Variants in MPDZ observed in about 807,000 individuals in gnomAD.
MPDZ encodes the protein multiple PDZ domain crumbs cell polarity complex component, also known as multiple PDZ domain protein.
MPDZ carries 234 observed loss-of-function variants against 239.1 expected under a neutral mutation model. The observed-to-expected ratio is 0.98, with a 90% CI of 0.88 to 1.09. The LOEUF (loss-of-function observed/expected upper bound fraction) is 1.09, where lower values mean the gene tolerates loss of function less well. Ranked by LOEUF, MPDZ falls within the 50% of genes least tolerant of loss-of-function variation. The probability of loss-of-function intolerance (pLI) is 0.00; values close to 1 mark genes in which losing one functional copy is unlikely to be tolerated. For missense variants in MPDZ, 3,175 were observed against 2,510.0 expected, an observed-to-expected ratio of 1.26 and a Z score of -5.66; for synonymous variants, 1,048 against 881.3, an observed-to-expected ratio of 1.19 and a Z score of -3.35.
At chr9:13,191,865 G>C (rs73406294) in intron 15 of MPDZ, among the ~76,000 whole-genome samples, 2,676 of 152,080 alleles carry the variant, frequency 0.018, 54 homozygotes, top group South Asian at 0.082. Flanking sequence ...TTAACCTTCA[G>C]GGCAACTTTT....
At chr9:13,138,455 T>C (rs1947170032) in intron 28 of MPDZ, among the ~76,000 whole-genome samples, 1 of 152,148 alleles carries the variant, frequency 6.6e-6, no homozygotes, top group Non-Finnish European at 1.5e-5. Flanking sequence ...CAAAAGACTA[T>C]GATTAAACCA....
At chr9:13,148,788 C>T (rs1217762648) in intron 25 of MPDZ, among the ~76,000 whole-genome samples, 1 of 151,912 alleles carries the variant, frequency 6.6e-6, no homozygotes, top group Non-Finnish European at 1.5e-5. Flanking sequence ...GCTTTAGAAT[C>T]CTCAGGATTA....
At position 13,110,702 on chromosome 9, in the gene MPDZ, A is replaced by G. The variant is rs922943088; in HGVS notation, c.5763T>C (p.Thr1921=). The change falls in exon 44 of 47, where the codon ACT becomes ACC. Residue 1921 remains threonine (T), a synonymous_variant. Coordinates refer to ENST00000319217, the MANE Select transcript of MPDZ (RefSeq NM_001378778.1). ...DRIVTICGTS[T]EGMTHTQAVN... is the part of the protein sequence containing the mutation. ...CTGCTTGGGTGTGAGTCATGCCCTC[A>G]GTGGATGTGCCACAGATGGTGACAA... 3.1e-6 allele frequency: 5 copies of G among 1,613,570 alleles called. No individual in the cohort carries two copies. The highest frequency in any genetic ancestry group is 3.4e-6 in the Non-Finnish European group (4 of 1,179,764).
chr9:13,278,972 G>GC (rs937526609), intron 1 of MPDZ: 3 of 150,628 alleles, frequency 2.0e-5, no homozygotes, highest in Admixed American at 2.0e-4. Flanking sequence ...CCCACCCCCA[G>GC]CCCCCCGACA....
intron 10 of MPDZ, among the ~76,000 whole-genome samples, chr9:13,207,388 T>A (rs1028969316): frequency 6.6e-6 from 1 of 152,090 alleles, no homozygotes; most frequent in African/African-American, 2.4e-5. Flanking sequence ...ACCTCATCTC[T>A]CATGATGCTG....
intron 1 of MPDZ, among the ~76,000 whole-genome samples, chr9:13,259,477 T>C (rs777488230): frequency 2.0e-5 from 3 of 151,946 alleles, no homozygotes; most frequent in Non-Finnish European, 2.9e-5. Context: ...ATTGGAGAAA[T>C]GATGATACAA....
intron 3 of MPDZ, among the ~76,000 whole-genome samples, chr9:13,234,644 T>C (rs1963459386): frequency 6.6e-6 from 1 of 152,122 alleles, no homozygotes; most frequent in Non-Finnish European, 1.5e-5. Flanking sequence ...TAAGAAAAAA[T>C]GACTACTGCT....
intron 19 of MPDZ, among the ~76,000 whole-genome samples, chr9:13,178,567 A>G (rs1952828683): frequency 6.6e-6 from 1 of 152,190 alleles, no homozygotes. Flanking sequence ...TTCAGTTCTA[A>G]TCACTTTAAA....
At chr9:13,113,140 T>C (rs552151635) in intron 41 of MPDZ, 86 bp from the exon 42 acceptor site, 2 of 1,233,120 alleles carry the variant, frequency 1.6e-6, no homozygotes, top group Non-Finnish European at 2.3e-6. Context: ...TGGATGGGAC[T>C]AAATGATAAC....
chr9:13,115,516 T>C (rs1277032423), intron 39 of MPDZ, among the ~76,000 whole-genome samples, 182 bp from the exon 40 acceptor site: 1 of 152,094 alleles, frequency 6.6e-6, no homozygotes, highest in Non-Finnish European at 1.5e-5. Context: ...TTCAAACTAA[T>C]AAAAATAATC....
chr9:13,215,945 GTTTTTT>G (rs71331531), intron 10 of MPDZ, among the ~76,000 whole-genome samples: 1 of 82,622 alleles, frequency 1.2e-5, no homozygotes, highest in Non-Finnish European at 2.5e-5. Flanking sequence ...TCAGCAATTT[GTTTTTT>G]TTTTTTTTTT....
intron 3 of MPDZ, among the ~76,000 whole-genome samples, chr9:13,235,971 T>C (rs1158651857): frequency 2.0e-5 from 3 of 151,934 alleles, no homozygotes; most frequent in Non-Finnish European, 4.4e-5. Context: ...ACCTGTTAAA[T>C]GACAAAATCA....
In MPDZ at chr9:13,145,399, T is replaced by C. The variant is rs796722517; in HGVS notation, c.3742-1835A>G. 5.3e-5 allele frequency among the ~76,000 whole-genome samples: 8 copies of C among 152,090 alleles called. 1 individual carries two copies. The highest frequency in any genetic ancestry group is 1.9e-4 in the African/African-American group (8 of 41,516). ...ATACTGGTGAAATTACCAGGGCTAG[T>C]TCTGGAAATTTCTGATTCTTGAAGA... On this transcript the variant is annotated intron_variant, in intron 26 of 46. Coordinates refer to ENST00000319217, the MANE Select transcript of MPDZ (RefSeq NM_001378778.1).
chr9:13,165,556 C>T, intron 22 of MPDZ: 1 of 740,222 alleles, frequency 1.4e-6, no homozygotes, highest in Non-Finnish European at 2.2e-6. Flanking sequence ...TCCCTCCCAT[C>T]TACACCTCCC....
In MPDZ at chr9:13,185,306, C is replaced by T. The variant is rs139126526; in HGVS notation, c.2481+964G>A. ...TATTAGCAAAAGGAATTGTCTCCCC[C>T]GAAATTACAATCAGCAAAATGTATA... On this transcript the variant is annotated intron_variant, in intron 18 of 46. Coordinates refer to ENST00000319217, the MANE Select transcript of MPDZ (RefSeq NM_001378778.1). Among the ~76,000 whole-genome samples, 24 of 151,976 alleles carry T rather than the reference C, an allele frequency of 1.6e-4. No individual in the cohort carries two copies. In the East Asian group the frequency reaches 3.1e-3, roughly 20 times the overall value.
At chr9:13,251,908 G>A (rs1450136030) in intron 1 of MPDZ, among the ~76,000 whole-genome samples, 1 of 152,190 alleles carries the variant, frequency 6.6e-6, no homozygotes, top group Non-Finnish European at 1.5e-5. Context: ...ACCTGGAATT[G>A]AAACTTAAAC....
chr9:13,112,834 G>C (rs1443290322), intron 42 of MPDZ, among the ~76,000 whole-genome samples, 177 bp downstream of exon 42: 1 of 152,152 alleles, frequency 6.6e-6, no homozygotes, highest in Non-Finnish European at 1.5e-5. Context: ...TTTCAAATGA[G>C]GTGCTGTGAT....
intron 23 of MPDZ, among the ~76,000 whole-genome samples, chr9:13,158,442 C>T (rs1042551190): frequency 7.9e-5 from 12 of 152,068 alleles, no homozygotes; most frequent in African/African-American, 2.7e-4. Flanking sequence ...ACCCATTGAA[C>T]AAGCATGTCT....
rs186189287 is a variant in MPDZ, at chr9:13,259,008, C to T, written c.-57-8636G>A. Among the ~76,000 whole-genome samples, 135 of 148,928 alleles carry T rather than the reference C, an allele frequency of 9.1e-4. 1 individual carries two copies. The highest frequency in any genetic ancestry group is 3.2e-3 in the African/African-American group (132 of 40,778). On this transcript the variant is annotated intron_variant, in intron 1 of 46. Coordinates refer to ENST00000319217, the MANE Select transcript of MPDZ (RefSeq NM_001378778.1). Reference sequence around the variant, plus strand: ...ACCGAGGCAGGAGAATCGCTTGAACCCAGGAGGCAGAGGCTCAATACAGCT... The same window carrying T: ...ACCGAGGCAGGAGAATCGCTTGAACTCAGGAGGCAGAGGCTCAATACAGCT...
Sources: allele counts gnomAD v4.1 joint callset (sites outside exome capture counted in the v4.1 genomes callset), GRCh38; gene constraint gnomAD v4.1.1; transcripts MANE v1.5; gene names NCBI Gene and HGNC (gene_info 2026-07-23, HGNC 2026-07-21).